Variants in PRKD1 observed in about 807,000 individuals in gnomAD.
PRKD1 encodes serine/threonine-protein kinase D1.
A neutral mutation model predicts 95.9 loss-of-function variants in PRKD1; 63 were observed. The observed-to-expected ratio is 0.66, with a 90% CI of 0.54 to 0.81. PRKD1 has a LOEUF of 0.81. Ranked by LOEUF, PRKD1 falls within the 30% of genes least tolerant of loss-of-function variation. PRKD1 has a pLI of 0.00. For missense variants in PRKD1, 1,048 were observed against 1,165.3 expected (o/e 0.90, Z 1.47); for synonymous variants, 425 against 423.1 (o/e 1.00, Z -0.05).
At chr14:29,738,520 T>A (rs1211202356) in intron 1 of PRKD1, among the ~76,000 whole-genome samples, 1 of 152,212 alleles carries the variant, frequency 6.6e-6, no homozygotes, top group Non-Finnish European at 1.5e-5. Flanking sequence ...AAAATCTGAT[T>A]TGTGAAGATA....
At chr14:29,810,311 T>TA (rs561166955) in intron 1 of PRKD1, among the ~76,000 whole-genome samples, 8 of 152,112 alleles carry the variant, frequency 5.3e-5, no homozygotes, top group South Asian at 2.1e-4. Flanking sequence ...CCTTGAATTG[T>TA]AAAAAAAATG....
chr14:29,772,314 T>G (rs1162528730), intron 1 of PRKD1, among the ~76,000 whole-genome samples: 1 of 152,116 alleles, frequency 6.6e-6, no homozygotes, highest in East Asian at 1.9e-4. Context: ...CCCCTATAAA[T>G]GAGCCCTCAA....
intron 1 of PRKD1, among the ~76,000 whole-genome samples, chr14:29,912,664 T>G (rs1184422030): frequency 6.6e-6 from 1 of 152,240 alleles, no homozygotes; most frequent in Non-Finnish European, 1.5e-5. Flanking sequence ...TGCCTACTTA[T>G]TTTTTAAATA....
intron 1 of PRKD1, among the ~76,000 whole-genome samples, chr14:29,750,493 A>G (rs1887425177): frequency 1.3e-5 from 2 of 152,110 alleles, no homozygotes; most frequent in Admixed American, 6.6e-5. Flanking sequence ...AGTAAGATAT[A>G]TATCTACCCA....
intron 1 of PRKD1, among the ~76,000 whole-genome samples, chr14:29,808,513 C>T (rs993016172): frequency 7.4e-5 from 11 of 148,324 alleles, no homozygotes; most frequent in Non-Finnish European, 8.9e-5. Context: ...AATTCTCCTG[C>T]ATCAGCTTCC....
chr14:29,629,314 T>C (rs1879831336), intron 10 of PRKD1, among the ~76,000 whole-genome samples: 1 of 152,166 alleles, frequency 6.6e-6, no homozygotes. Context: ...CAATTTAGGG[T>C]TTGGAGTCAG....
chr14:29,583,135 C>T (rs1566465371), intron 16 of PRKD1, among the ~76,000 whole-genome samples: 1 of 152,238 alleles, frequency 6.6e-6, no homozygotes, highest in Admixed American at 6.5e-5. Flanking sequence ...AGAGATACTT[C>T]GGGAAGAATG....
At chr14:29,743,363 T>C (rs1425956984) in intron 1 of PRKD1, among the ~76,000 whole-genome samples, 1 of 152,134 alleles carries the variant, frequency 6.6e-6, no homozygotes, top group Non-Finnish European at 1.5e-5. Context: ...AGAGAAAGGG[T>C]ATATATAAAA....
intron 1 of PRKD1, among the ~76,000 whole-genome samples, chr14:29,742,971 G>A (rs1887048719): frequency 1.3e-5 from 2 of 152,224 alleles, no homozygotes; most frequent in East Asian, 1.9e-4. Context: ...TGAGTTTCAT[G>A]GGATTGTCAC....
At chr14:29,773,680 C>G (rs574753317) in intron 1 of PRKD1, among the ~76,000 whole-genome samples, 4 of 152,052 alleles carry the variant, frequency 2.6e-5, no homozygotes, top group Non-Finnish European at 4.4e-5. Flanking sequence ...GAAAAGAACA[C>G]AGCAATTTAA....
intron 1 of PRKD1, among the ~76,000 whole-genome samples, chr14:29,855,273 C>T (rs2139347031): frequency 6.6e-6 from 1 of 152,290 alleles, no homozygotes; most frequent in African/African-American, 2.4e-5. Flanking sequence ...CCCTGCAAAG[C>T]CATAGGGACG....
At chr14:29,724,296 C>A (rs1380852181) in intron 2 of PRKD1, among the ~76,000 whole-genome samples, 1 of 152,128 alleles carries the variant, frequency 6.6e-6, no homozygotes, top group Non-Finnish European at 1.5e-5. Context: ...TAAAACATTA[C>A]ATTATTTACA....
chr14:29,767,097 C>T (rs1240857834), intron 1 of PRKD1, among the ~76,000 whole-genome samples: 2 of 152,122 alleles, frequency 1.3e-5, no homozygotes, highest in South Asian at 2.1e-4. Context: ...CCAACCCTCA[C>T]CTCCAAATCC....
chr14:29,845,018 C>T (rs75399628), intron 1 of PRKD1, among the ~76,000 whole-genome samples: 1 of 152,166 alleles, frequency 6.6e-6, no homozygotes, highest in Non-Finnish European at 1.5e-5. Context: ...TACATGTGTG[C>T]AGCATGCCAA....
chr14:29,609,507 C>CACACAA (rs1555327745), intron 13 of PRKD1, among the ~76,000 whole-genome samples: 1 of 1,458 alleles, frequency 6.9e-4, no homozygotes, highest in Non-Finnish European at 0.014. Context: ...TGTGTGCGTG[C>CACACAA]ACACACACAC....
At chr14:29,783,795 G>T (rs972786434) in intron 1 of PRKD1, among the ~76,000 whole-genome samples, 1 of 152,144 alleles carries the variant, frequency 6.6e-6, no homozygotes, top group African/African-American at 2.4e-5. Flanking sequence ...CTTCTGTTGA[G>T]AATGTCCACT....
At chr14:29,655,570 C>T (rs1168778921) in intron 4 of PRKD1, among the ~76,000 whole-genome samples, 1 of 152,190 alleles carries the variant, frequency 6.6e-6, no homozygotes, top group Admixed American at 6.5e-5. Context: ...TAAACATTCA[C>T]AAGTCAACTG....
intron 1 of PRKD1, among the ~76,000 whole-genome samples, chr14:29,791,538 T>A (rs1055135485): frequency 6.6e-6 from 1 of 152,160 alleles, no homozygotes; most frequent in East Asian, 1.9e-4. Context: ...CACCATAGAT[T>A]AAACTGCACT....
At chr14:29,849,143 G>C (rs1892198597) in intron 1 of PRKD1, among the ~76,000 whole-genome samples, 1 of 152,172 alleles carries the variant, frequency 6.6e-6, no homozygotes, top group South Asian at 2.1e-4. Context: ...GATCATGGGG[G>C]CAGACTTTCC....
Sources: gnomAD v4.1 joint callset for allele counts (sites outside exome capture counted in the v4.1 genomes callset) on GRCh38, gnomAD v4.1.1 for gene constraint, MANE v1.5 for transcripts, NCBI Gene and HGNC (gene_info 2026-07-23, HGNC 2026-07-21) for gene names.